Variants in PRKCB observed in about 807,000 individuals in gnomAD.
PRKCB encodes the protein protein kinase C beta.
Under a neutral mutation model 81.5 loss-of-function variants are expected in PRKCB, and 13 were observed. The ratio of observed to expected loss-of-function variants is 0.16; its 90% CI spans 0.10 to 0.25. PRKCB has a LOEUF of 0.25. PRKCB is among the 10% of genes least tolerant of loss of function. PRKCB has a pLI of 1.00. For synonymous variants in PRKCB, 335 were observed against 321.4 expected (o/e 1.04, Z -0.45); for missense variants, 509 against 875.7 (o/e 0.58, Z 5.29).
At position 24,220,258 on chromosome 16, in the gene PRKCB, G is replaced by A; in HGVS notation, c.*5442G>A. On this transcript the variant is annotated 3_prime_UTR_variant, in exon 17 of 17. Transcript: ENST00000643927. ...TCTTAGAGGGCTTTTCTTTGTATGT[G>A]TAGCTTGCTAGTTTGTTTTCTACAT... 1.1e-6 allele frequency: 1 copy of A among 946,068 alleles called. No individual in the cohort carries two copies. 58.6% of individuals were successfully genotyped at this position (946,068 alleles called of 1,614,324 possible).
chr16:23,962,612 A>G (rs1230115776), intron 2 of PRKCB, among the ~76,000 whole-genome samples: 1 of 152,136 alleles, frequency 6.6e-6, no homozygotes, highest in Non-Finnish European at 1.5e-5. Context: ...TCAGACTCCA[A>G]TGACTGGCTC....
intron 2 of PRKCB, among the ~76,000 whole-genome samples, chr16:23,881,112 G>A (rs1423650943): frequency 1.3e-5 from 2 of 152,136 alleles, no homozygotes; most frequent in African/African-American, 2.4e-5. Context: ...TAAAGGGAAT[G>A]TTTGCCTCTC....
At chr16:23,926,320 G>T (rs1009288556) in intron 2 of PRKCB, among the ~76,000 whole-genome samples, 10 of 151,342 alleles carry the variant, frequency 6.6e-5, no homozygotes, top group African/African-American at 1.2e-4. Flanking sequence ...CCCCATCTCT[G>T]CAAAAATACA....
At chr16:23,864,861 G>A (rs1962745050) in intron 2 of PRKCB, among the ~76,000 whole-genome samples, 1 of 152,120 alleles carries the variant, frequency 6.6e-6, no homozygotes, top group South Asian at 2.1e-4. Context: ...CATCTGATAG[G>A]TAGTTTTTTG....
At chr16:24,185,430 C>A (rs762334354) in intron 14 of PRKCB, 30 bp from the exon 15 acceptor site, 1 of 1,589,652 alleles carries the variant, frequency 6.3e-7, no homozygotes, top group Admixed American at 1.7e-5. Context: ...AGCAGGGATT[C>A]TTCTCCTCCC....
intron 7 of PRKCB, chr16:24,110,929 A>G (rs1482182410): frequency 6.6e-6 from 1 of 152,230 alleles, no homozygotes; most frequent in African/African-American, 2.4e-5. Flanking sequence ...GTCCTTTAAA[A>G]TTAAATTTAT....
intron 1 of PRKCB, among the ~76,000 whole-genome samples, chr16:23,836,786 G>A (rs1369325054): frequency 6.8e-6 from 1 of 146,174 alleles, no homozygotes; most frequent in Non-Finnish European, 1.5e-5. Context: ...GCGGCGCCCT[G>A]GGTGTCCTTC....
At chr16:24,172,691 A>G (rs1258600627) in intron 11 of PRKCB, among the ~76,000 whole-genome samples, 1 of 152,082 alleles carries the variant, frequency 6.6e-6, no homozygotes, top group African/African-American at 2.4e-5. Context: ...ATAAAAAATA[A>G]AAAACTTAGC....
chr16:23,917,659 C>T (rs1007922646), intron 2 of PRKCB, among the ~76,000 whole-genome samples: 1 of 152,234 alleles, frequency 6.6e-6, no homozygotes, highest in Non-Finnish European at 1.5e-5. Context: ...GGTGGAAGGC[C>T]ATTTGTGACT....
chr16:24,179,508 A>C (rs1270816150), intron 12 of PRKCB, among the ~76,000 whole-genome samples: 1 of 152,204 alleles, frequency 6.6e-6, no homozygotes, highest in African/African-American at 2.4e-5. Context: ...AGCCTTGCTC[A>C]CTGGTGCAGA....
intron 13 of PRKCB, 50 bp from the exon 14 acceptor site, chr16:24,185,061 A>G: frequency 6.8e-7 from 1 of 1,465,618 alleles, no homozygotes; most frequent in Admixed American, 1.7e-5. Flanking sequence ...CTGTCTCCAG[A>G]AGAAACATGA....
intron 13 of PRKCB, among the ~76,000 whole-genome samples, chr16:24,182,553 T>C (rs1372183956): frequency 6.6e-6 from 1 of 152,070 alleles, no homozygotes; most frequent in African/African-American, 2.4e-5. Flanking sequence ...AGAAAGTGTT[T>C]CCACACTTTT....
At chr16:23,863,198 A>G (rs975250502) in intron 2 of PRKCB, among the ~76,000 whole-genome samples, 1 of 119,082 alleles carries the variant, frequency 8.4e-6, no homozygotes, top group African/African-American at 3.0e-5. Context: ...ATACATACGT[A>G]TATATGTGTA....
intron 3 of PRKCB, among the ~76,000 whole-genome samples, chr16:23,996,025 G>A (rs1158461783): frequency 6.6e-6 from 1 of 152,030 alleles, no homozygotes; most frequent in African/African-American, 2.4e-5. Flanking sequence ...AGGAGAAGTG[G>A]CCATACATGT....
At chr16:23,979,008 A>AT (rs1356872425) in intron 2 of PRKCB, among the ~76,000 whole-genome samples, 1 of 152,146 alleles carries the variant, frequency 6.6e-6, no homozygotes, top group Non-Finnish European at 1.5e-5. Context: ...TCAGAAGGTG[A>AT]TTTTTCCAGG....
chr16:24,051,883 G>A (rs187031864), intron 5 of PRKCB, among the ~76,000 whole-genome samples: 20 of 152,050 alleles, frequency 1.3e-4, no homozygotes, highest in East Asian at 5.8e-4. Flanking sequence ...GGCAGGTGGC[G>A]AGTGAATCAC....
intron 7 of PRKCB, among the ~76,000 whole-genome samples, chr16:24,096,663 AAAAATATATATATATATATATAT>A (rs1444281810): frequency 4.0e-5 from 2 of 49,646 alleles, no homozygotes; most frequent in African/African-American, 1.3e-4. Context: ...AAAAAAAAAA[AAAAATATATATATATATATATAT>A]ATATATATAT....
At chr16:23,841,852 C>T (rs935946726) in intron 2 of PRKCB, among the ~76,000 whole-genome samples, 1 of 151,788 alleles carries the variant, frequency 6.6e-6, no homozygotes, top group Non-Finnish European at 1.5e-5. Context: ...GGTGGGGTTT[C>T]GCCACGTTGG....
Position 24,094,223 on chromosome 16 carries a change from G to A in PRKCB, c.747G>A (p.Leu249=). 1 of 1,614,186 alleles carries A rather than the reference G, an allele frequency of 6.2e-7. No individual in the cohort carries two copies. Among genetic ancestry groups the A allele is most frequent in the Non-Finnish European group, 8.5e-7 (1 of 1,180,030 alleles). ...CAGTAGAGATTTGGGATTGGGATTTGACCAGCAGGAATGACTTCATGGGAT... is the reference window on the plus strand; with the variant it reads ...CAGTAGAGATTTGGGATTGGGATTTAACCAGCAGGAATGACTTCATGGGAT... ...RLSVEIWDWD[L]TSRNDFMGSL... Residue 249 remains leucine (L), a synonymous_variant, in exon 7 of 17, where the codon TTG becomes TTA. Transcript: ENST00000643927.
Sources: allele counts gnomAD v4.1 joint callset (sites outside exome capture counted in the v4.1 genomes callset), GRCh38; gene constraint gnomAD v4.1.1; transcripts MANE v1.5; gene names NCBI Gene and HGNC (gene_info 2026-07-23, HGNC 2026-07-21).